Variants in MACROD2 observed in about 807,000 individuals in gnomAD.
MACROD2 encodes the protein mono-ADP ribosylhydrolase 2, also known as ADP-ribose glycohydrolase MACROD2.
Under a neutral mutation model 70.4 loss-of-function variants are expected in MACROD2, and 36 were observed. That is an observed-to-expected ratio of 0.51 (90% CI 0.39 to 0.68). The LOEUF is 0.68. Ranked by LOEUF, MACROD2 falls within the 30% of genes least tolerant of loss-of-function variation. The pLI, the probability that MACROD2 is intolerant of heterozygous loss-of-function variation, is 0.00. For synonymous variants in MACROD2, 172 were observed against 178.8 expected, an observed-to-expected ratio of 0.96 and a Z score of 0.30; for missense variants, 496 against 538.4, an observed-to-expected ratio of 0.92 and a Z score of 0.78.
chr20:14,256,158 T>G (rs1204674730), intron 3 of MACROD2, among the ~76,000 whole-genome samples: 2 of 152,150 alleles, frequency 1.3e-5, no homozygotes, highest in African/African-American at 4.8e-5. Flanking sequence ...CTAGTTTTGC[T>G]ATTCAGTTTT....
chr20:14,144,442 T>C (rs2054918459), intron 3 of MACROD2, among the ~76,000 whole-genome samples: 1 of 152,200 alleles, frequency 6.6e-6, no homozygotes, highest in Non-Finnish European at 1.5e-5. Context: ...GTTCATTTAT[T>C]GATCTCCTAC....
At chr20:15,189,118 A>G (rs2076552826) in intron 5 of MACROD2, among the ~76,000 whole-genome samples, 1 of 152,092 alleles carries the variant, frequency 6.6e-6, no homozygotes. Flanking sequence ...AGGGATTGAG[A>G]GCTAATCCAT....
chr20:14,484,229 T>G (rs1233552232), intron 3 of MACROD2, among the ~76,000 whole-genome samples: 1 of 152,208 alleles, frequency 6.6e-6, no homozygotes, highest in African/African-American at 2.4e-5. Context: ...GTTATTAAAC[T>G]CTTAAATTTT....
intron 2 of MACROD2, among the ~76,000 whole-genome samples, chr20:14,040,376 AAAG>A (rs1391104972): frequency 1.3e-5 from 2 of 152,206 alleles, no homozygotes; most frequent in African/African-American, 2.4e-5. Flanking sequence ...GTAAAAGAAA[AAAG>A]GTATAATTTT....
At chr20:15,712,371 T>C (rs1351963906) in intron 8 of MACROD2, among the ~76,000 whole-genome samples, 1 of 152,238 alleles carries the variant, frequency 6.6e-6, no homozygotes, top group Non-Finnish European at 1.5e-5. Context: ...AGATGCTTCT[T>C]GGAACTTCTG....
intron 4 of MACROD2, among the ~76,000 whole-genome samples, chr20:14,665,886 G>A (rs999354436): frequency 6.6e-6 from 1 of 151,996 alleles, no homozygotes; most frequent in South Asian, 2.1e-4. Flanking sequence ...GAATGTGGAG[G>A]CACCATTTTC....
chr20:15,339,972 T>C (rs2078090104), intron 6 of MACROD2, among the ~76,000 whole-genome samples: 1 of 152,018 alleles, frequency 6.6e-6, no homozygotes, highest in Non-Finnish European at 1.5e-5. Context: ...ATAAGTCATG[T>C]AGGAAAGCCA....
Position 15,818,348 on chromosome 20 carries a change from G to A in MACROD2, c.646-44397G>A, listed in dbSNP as rs551465968. ...TATTCGTGAGTTTCCTGGGAAAAGGGTGGGCAATTCCCAGAACCGAGGGTT... is the reference window on the plus strand; with the variant it reads ...TATTCGTGAGTTTCCTGGGAAAAGGATGGGCAATTCCCAGAACCGAGGGTT... On this transcript the variant is annotated intron_variant, in intron 8 of 17. Coordinates refer to ENST00000684519, the MANE Select transcript of MACROD2 (RefSeq NM_001351661.2). Among the ~76,000 whole-genome samples, 19 of 152,280 alleles carry A rather than the reference G, an allele frequency of 1.2e-4. No individual in the cohort carries two copies. In the East Asian group the frequency reaches 3.5e-3, roughly 28 times the overall value.
At chr20:15,965,365 T>A (rs1453022350) in intron 12 of MACROD2, among the ~76,000 whole-genome samples, 1 of 152,200 alleles carries the variant, frequency 6.6e-6, no homozygotes, top group Non-Finnish European at 1.5e-5. Flanking sequence ...GCCCATCTTA[T>A]GTGACTCATT....
chr20:14,633,529 A>G (rs546387521), intron 4 of MACROD2, among the ~76,000 whole-genome samples: 1 of 152,306 alleles, frequency 6.6e-6, no homozygotes, highest in South Asian at 2.1e-4. Context: ...ATATATTGCC[A>G]CCTGGATGGG....
chr20:14,541,544 C>T (rs1004733212), intron 4 of MACROD2, among the ~76,000 whole-genome samples: 1 of 152,026 alleles, frequency 6.6e-6, no homozygotes, highest in African/African-American at 2.4e-5. Context: ...CTTTAACTTA[C>T]TGTTGTATCT....
chr20:14,656,255 C>T (rs548078734), intron 4 of MACROD2, among the ~76,000 whole-genome samples: 4 of 152,198 alleles, frequency 2.6e-5, no homozygotes, highest in Admixed American at 2.6e-4. Flanking sequence ...TGCTCCCCCC[C>T]ACCCATTTTA....
intron 4 of MACROD2, among the ~76,000 whole-genome samples, chr20:14,541,580 A>G (rs146467790): frequency 6.7e-6 from 1 of 149,476 alleles, no homozygotes; most frequent in African/African-American, 2.5e-5. Context: ...TGCCTAGCAC[A>G]TGTACACACA....
At chr20:14,279,423 G>C (rs2082286132) in intron 3 of MACROD2, among the ~76,000 whole-genome samples, 1 of 151,130 alleles carries the variant, frequency 6.6e-6, no homozygotes, top group Admixed American at 6.6e-5. Context: ...TTTCTTGGTA[G>C]ATTTATGTTA....
chr20:14,984,477 C>T (rs1396457439), intron 5 of MACROD2, among the ~76,000 whole-genome samples: 1 of 152,146 alleles, frequency 6.6e-6, no homozygotes, highest in Non-Finnish European at 1.5e-5. Context: ...TCCCCTTGCT[C>T]TTTTTTCCTT....
chr20:14,337,371 A>C, intron 3 of MACROD2: 2 of 311,846 alleles, frequency 6.4e-6, no homozygotes, highest in East Asian at 4.7e-5. Flanking sequence ...ACTTTCTGGG[A>C]CAATCATAAG....
intron 2 of MACROD2, among the ~76,000 whole-genome samples, chr20:14,068,985 G>C (rs1298334105): frequency 6.6e-6 from 1 of 152,148 alleles, no homozygotes; most frequent in South Asian, 2.1e-4. Flanking sequence ...GTCTGGCTCT[G>C]TTGCCCAGGC....
chr20:14,418,083 A>T (rs1490186663), intron 3 of MACROD2, among the ~76,000 whole-genome samples: 1 of 152,032 alleles, frequency 6.6e-6, no homozygotes, highest in Non-Finnish European at 1.5e-5. Flanking sequence ...GTCTCTTAAG[A>T]TATTGATATA....
At chr20:14,085,798 A>G in intron 3 of MACROD2, 70 bp downstream of exon 3, 1 of 871,038 alleles carries the variant, frequency 1.1e-6, no homozygotes, top group Non-Finnish European at 1.7e-6. Flanking sequence ...AATAAATAAG[A>G]ATGTAAGTAT....
Sources: allele counts gnomAD v4.1 joint callset (sites outside exome capture counted in the v4.1 genomes callset), GRCh38; gene constraint gnomAD v4.1.1; transcripts MANE v1.5; gene names NCBI Gene and HGNC (gene_info 2026-07-23, HGNC 2026-07-21).